Variants in CASQ2 observed in about 807,000 individuals in gnomAD.
CASQ2 encodes calsequestrin-2.
In CASQ2, 49 loss-of-function variants were observed where a neutral mutation model predicts 46.5. The ratio of observed to expected loss-of-function variants is 1.05; its 90% CI spans 0.84 to 1.34. The LOEUF (loss-of-function observed/expected upper bound fraction) is 1.34. CASQ2 is among the 40% of genes most tolerant of loss of function. The pLI is 0.00. For synonymous variants in CASQ2, 174 were observed against 168.5 expected, an observed-to-expected ratio of 1.03 and a Z score of -0.25; for missense variants, 486 against 481.3, an observed-to-expected ratio of 1.01 and a Z score of -0.09.
At chr1:115,763,073 T>C (rs1476804022) in intron 1 of CASQ2, among the ~76,000 whole-genome samples, 1 of 152,204 alleles carries the variant, frequency 6.6e-6, no homozygotes, top group Non-Finnish European at 1.5e-5. Context: ...TTTGCTTTTG[T>C]TTTGTTTTGC....
Position 115,759,122 on chromosome 1 carries a change from T to C in CASQ2, c.234+9186A>G, listed in dbSNP as rs112710383. Among the ~76,000 whole-genome samples, 13 of 152,308 alleles carry C rather than the reference T, an allele frequency of 8.5e-5. 2 individuals are homozygous for C. The highest frequency in any genetic ancestry group is 2.9e-4 in the African/African-American group (12 of 41,568). On this transcript the variant is annotated intron_variant, in intron 1 of 10. Transcript: ENST00000261448. ...AAAGGAAGTGAGTTCTTATCATCAA[T>C]AAAAGAGGGACATTTCCCTAGACAC...
At chr1:115,710,791 G>T (rs780075440) in intron 8 of CASQ2, among the ~76,000 whole-genome samples, 1 of 152,208 alleles carries the variant, frequency 6.6e-6, no homozygotes, top group Non-Finnish European at 1.5e-5. Context: ...TGCCACTCAG[G>T]CTTGGAGTCC....
At chr1:115,756,216 T>A (rs1321585487) in intron 1 of CASQ2, among the ~76,000 whole-genome samples, 1 of 152,136 alleles carries the variant, frequency 6.6e-6, no homozygotes, top group African/African-American at 2.4e-5. Context: ...GAACTGGCAC[T>A]CCGGGCACAC....
chr1:115,731,388 G>A (rs562218777), intron 5 of CASQ2, among the ~76,000 whole-genome samples: 44 of 152,254 alleles, frequency 2.9e-4, no homozygotes, highest in African/African-American at 9.4e-4. Flanking sequence ...TTACCCAGGA[G>A]CCTCTTTAGC....
chr1:115,764,285 T>C (rs1032641555), intron 1 of CASQ2, among the ~76,000 whole-genome samples: 4 of 152,180 alleles, frequency 2.6e-5, no homozygotes, highest in African/African-American at 9.7e-5. Context: ...ACTATGCTGG[T>C]ATTAACATTA....
chr1:115,731,174 T>C (rs1647769458), intron 5 of CASQ2, among the ~76,000 whole-genome samples: 1 of 152,202 alleles, frequency 6.6e-6, no homozygotes, highest in South Asian at 2.1e-4. Context: ...AGAATTTGAA[T>C]AAAGCATCTC....
In CASQ2 at chr1:115,701,382, T is replaced by A. The variant is rs754889548; in HGVS notation, c.1059A>T (p.Pro353=). 1.2e-6 allele frequency: 2 copies of A among 1,613,966 alleles called. No homozygotes were observed. Among genetic ancestry groups the A allele is most frequent in the African/African-American group, 2.7e-5 (2 of 74,928 alleles). Residue 353 remains proline, a synonymous_variant, in exon 11 of 11, where the codon CCA becomes CCT. Coordinates refer to ENST00000261448, the MANE Select transcript of CASQ2 (RefSeq NM_001232.4). ...TCCAGTCCTCCAGCTCCTCAGCAGT[T>A]GGAAGATCGTCATCATCTGGAATCT... ...WMEIPDDDDL[P]TAEELEDWIE...
chr1:115,707,303 G>T (rs1019241859), intron 8 of CASQ2, among the ~76,000 whole-genome samples: 2 of 152,226 alleles, frequency 1.3e-5, no homozygotes, highest in African/African-American at 4.8e-5. Flanking sequence ...CAGGATTACA[G>T]ATGTGAGTCA....
chr1:115,712,959 T>C (rs915819148), intron 8 of CASQ2, among the ~76,000 whole-genome samples: 1 of 152,040 alleles, frequency 6.6e-6, no homozygotes, highest in East Asian at 1.9e-4. Flanking sequence ...CTTGAGACAA[T>C]TGGTCTCAAA....
chr1:115,768,176 G>T (rs111831854), intron 1 of CASQ2, 132 bp downstream of exon 1: 6 of 713,418 alleles, frequency 8.4e-6, no homozygotes, highest in Non-Finnish European at 1.5e-5. Flanking sequence ...TCTGATTCAC[G>T]TGAGGCCAAA....
chr1:115,763,014 T>C (rs371444356), intron 1 of CASQ2, among the ~76,000 whole-genome samples: 23 of 152,338 alleles, frequency 1.5e-4, no homozygotes, highest in African/African-American at 4.8e-4. Flanking sequence ...GTTGTGTTTT[T>C]GAGTCGCAAG....
At chr1:115,720,977 C>T (rs1263140845) in intron 7 of CASQ2, among the ~76,000 whole-genome samples, 1 of 152,222 alleles carries the variant, frequency 6.6e-6, no homozygotes, top group Non-Finnish European at 1.5e-5. Flanking sequence ...CTACCAACAA[C>T]ATATATTACC....
Position 115,753,264 on chromosome 1 carries a change from G to T in CASQ2, c.235-8352C>A, listed in dbSNP as rs566870278. On this transcript the variant is annotated intron_variant, in intron 1 of 10. Coordinates refer to ENST00000261448, the MANE Select transcript of CASQ2 (RefSeq NM_001232.4). ...AGACGAGTATGAAAGAAAGCCACAG[G>T]GTCAAGGGCTGGCTGTCTCAGAAGG... Among the ~76,000 whole-genome samples, 12 of 152,260 alleles carry T rather than the reference G, an allele frequency of 7.9e-5. No individual in the cohort carries two copies. The South Asian group carries it at 2.1e-3, about 26-fold the overall frequency.
intron 8 of CASQ2, among the ~76,000 whole-genome samples, chr1:115,712,838 A>C (rs1654589361): frequency 7.0e-6 from 1 of 142,904 alleles, no homozygotes; most frequent in Non-Finnish European, 1.5e-5. Flanking sequence ...CCTGAGCAAT[A>C]GAGGGAGACT....
intron 8 of CASQ2, among the ~76,000 whole-genome samples, chr1:115,705,911 G>A (rs920722294): frequency 6.9e-6 from 1 of 144,434 alleles, no homozygotes; most frequent in Non-Finnish European, 1.5e-5. Context: ...CCTAAGAAAA[G>A]CAGAGAGGAG....
chr1:115,740,948 C>A lies in CASQ2; in HGVS notation c.320-120G>T, dbSNP rs575911274. On this transcript the variant is annotated intron_variant, in intron 2 of 10. Coordinates refer to ENST00000261448, the MANE Select transcript of CASQ2 (RefSeq NM_001232.4). ...GTGGGGTCAGGATTAGTGGAACTAG[C>A]ATTAACCAAAGAAGCAGTTGCCTTG... 7 of 714,998 alleles carry A rather than the reference C, an allele frequency of 9.8e-6. No homozygotes were observed. In the African/African-American group the frequency reaches 1.1e-4, roughly 11 times the overall value. The allele number at this position is 714,998 out of a possible 1,614,324, so 44.3% of individuals were successfully genotyped here. A position where few individuals can be genotyped will look rare whatever the true frequency, so the allele number is the denominator to read the frequency against.
chr1:115,719,455 C>G lies in CASQ2; in HGVS notation c.784-1561G>C, dbSNP rs372015067. Among the ~76,000 whole-genome samples the G allele has an allele frequency of 3.2e-3, 489 of 152,284 alleles. 3 individuals carry two copies. Among genetic ancestry groups the G allele is most frequent in the Middle Eastern group, 0.027 (8 of 294 alleles). On this transcript the variant is annotated intron_variant, in intron 7 of 10. Transcript: ENST00000261448. ...TTCATTTCTGTGTGCCCTGCTAGAA[C>G]GCATTTGGAATTGGCTTTAGAATTA...
chr1:115,727,266 G>T, intron 5 of CASQ2, 144 bp from the exon 6 acceptor site: 1 of 677,272 alleles, frequency 1.5e-6, no homozygotes, highest in Admixed American at 2.1e-5. Context: ...TGAAGTGACA[G>T]GAACTTATCA....
rs527626489 is a variant in CASQ2, at chr1:115,739,194, C to T, written c.421-859G>A. 3.2e-4 allele frequency among the ~76,000 whole-genome samples: 46 copies of T among 143,906 alleles called. No homozygotes were observed. The East Asian group carries it at 9.7e-3, about 30-fold the overall frequency. The allele number at this position is 143,906 out of a possible 152,430, so 94.4% of individuals were successfully genotyped here. ...TGGCACGATCTAGGCTCACTGCAAGCTCCGCCTCCCAGGTTCACGCCATTC... is the reference window on the plus strand; with the variant it reads ...TGGCACGATCTAGGCTCACTGCAAGTTCCGCCTCCCAGGTTCACGCCATTC... On this transcript the variant is annotated intron_variant, in intron 3 of 10. Coordinates refer to ENST00000261448, the MANE Select transcript of CASQ2 (RefSeq NM_001232.4).
Sources: allele counts gnomAD v4.1 joint callset (sites outside exome capture counted in the v4.1 genomes callset), GRCh38; gene constraint gnomAD v4.1.1; transcripts MANE v1.5; gene names NCBI Gene and HGNC (gene_info 2026-07-23, HGNC 2026-07-21).